Variants in ANKRD6 observed in about 807,000 individuals in gnomAD.
The protein encoded by ANKRD6 is ankyrin repeat domain 6.
A neutral mutation model predicts 82.3 loss-of-function variants in ANKRD6; 56 were observed. The ratio of observed to expected loss-of-function variants is 0.68; its 90% CI spans 0.55 to 0.85. The LOEUF (loss-of-function observed/expected upper bound fraction) is 0.85, where lower values mean the gene tolerates loss of function less well. ANKRD6 is among the 40% of genes least tolerant of loss of function. The pLI is 0.00. For missense variants in ANKRD6, 852 were observed against 907.6 expected, an observed-to-expected ratio of 0.94 and a Z score of 0.79; for synonymous variants, 347 against 352.1, an observed-to-expected ratio of 0.99 and a Z score of 0.16.
At chr6:89,613,550 C>T (rs1022877710) in intron 6 of ANKRD6, among the ~76,000 whole-genome samples, 10 of 152,272 alleles carry the variant, frequency 6.6e-5, no homozygotes, top group South Asian at 4.2e-4. Context: ...GTTTCATAAA[C>T]GTGGAAGCAG....
chr6:89,630,542 C>A lies in ANKRD6; in HGVS notation c.1722C>A (p.Leu574=), dbSNP rs777156730. 4.3e-6 allele frequency: 7 copies of A among 1,613,988 alleles called. No homozygotes were observed. Among genetic ancestry groups the A allele is most frequent in the Non-Finnish European group, 5.9e-6 (7 of 1,179,856 alleles). Residue 574 remains leucine (L), a synonymous_variant, in exon 16 of 16, where the codon CTC becomes CTA. Transcript: ENST00000339746. ...TCAACTCCACTGCTACCCAGAGACT[C>A]CAGCAGGAGCTGTCGTCTTCTGACT... ...KALNSTATQR[L]QQELSSSDCT...
At chr6:89,558,768 A>T (rs939972338) in intron 1 of ANKRD6, among the ~76,000 whole-genome samples, 1 of 143,448 alleles carries the variant, frequency 7.0e-6, no homozygotes, top group Admixed American at 6.9e-5. Flanking sequence ...ATTGTAACAA[A>T]TGTATCACAC....
intron 2 of ANKRD6, among the ~76,000 whole-genome samples, chr6:89,579,327 A>G (rs1791907735): frequency 6.6e-6 from 1 of 152,236 alleles, no homozygotes; most frequent in African/African-American, 2.4e-5. Context: ...AGTGTCAAAT[A>G]TAGTAGGCAC....
intron 1 of ANKRD6, among the ~76,000 whole-genome samples, chr6:89,469,819 C>T (rs1033884090): frequency 1.3e-5 from 2 of 152,186 alleles, no homozygotes; most frequent in Admixed American, 1.3e-4. Flanking sequence ...AACTGCATGG[C>T]CTACAGCCTG....
intron 2 of ANKRD6, among the ~76,000 whole-genome samples, chr6:89,589,288 G>T (rs1405994630): frequency 2.0e-5 from 3 of 152,128 alleles, no homozygotes; most frequent in Non-Finnish European, 2.9e-5. Context: ...AGTGACAGGG[G>T]CAGTTGACTG....
At chr6:89,553,028 C>T (rs149698308) in intron 1 of ANKRD6, among the ~76,000 whole-genome samples, 19 of 152,216 alleles carry the variant, frequency 1.2e-4, no homozygotes, top group South Asian at 4.1e-4. Context: ...ACATTATCAG[C>T]GGAAAATCAC....
chr6:89,463,835 G>A (rs1278955974), intron 1 of ANKRD6, among the ~76,000 whole-genome samples: 1 of 152,118 alleles, frequency 6.6e-6, no homozygotes, highest in East Asian at 1.9e-4. Context: ...ACAAGCATAA[G>A]CCACCACGCC....
chr6:89,575,021 C>T (rs1790789618), intron 2 of ANKRD6, among the ~76,000 whole-genome samples: 1 of 152,154 alleles, frequency 6.6e-6, no homozygotes, highest in African/African-American at 2.4e-5. Context: ...TATGATTGGA[C>T]AGAAAGGGCA....
chr6:89,625,881 C>T (rs1340655138), intron 13 of ANKRD6, among the ~76,000 whole-genome samples: 2 of 151,880 alleles, frequency 1.3e-5, no homozygotes, highest in Admixed American at 6.6e-5. Flanking sequence ...CTAAGGCGGA[C>T]GCCACCATGC....
intron 1 of ANKRD6, among the ~76,000 whole-genome samples, chr6:89,538,965 A>G (rs1181826313): frequency 6.6e-6 from 1 of 152,198 alleles, no homozygotes; most frequent in African/African-American, 2.4e-5. Flanking sequence ...TAATTTGATA[A>G]CTAGCGAACA....
At chr6:89,506,863 G>A (rs1183918824) in intron 1 of ANKRD6, among the ~76,000 whole-genome samples, 1 of 152,238 alleles carries the variant, frequency 6.6e-6, no homozygotes, top group Non-Finnish European at 1.5e-5. Context: ...GGAGGCAGTT[G>A]AGGTGAGATT....
chr6:89,600,752 G>A (rs1583625021), intron 3 of ANKRD6, among the ~76,000 whole-genome samples: 2 of 152,240 alleles, frequency 1.3e-5, no homozygotes, highest in East Asian at 3.9e-4. Context: ...GTTGAGACGT[G>A]GGGCCAGGCA....
At chr6:89,588,994 CA>C (rs34892881) in intron 2 of ANKRD6, among the ~76,000 whole-genome samples, 200 of 48,312 alleles carry the variant, frequency 4.1e-3, no homozygotes, top group East Asian at 0.015. Context: ...GACTCTGTCT[CA>C]AAAAAAAAAA....
intron 3 of ANKRD6, among the ~76,000 whole-genome samples, chr6:89,598,592 G>GA (rs1796398426): frequency 6.6e-6 from 1 of 152,104 alleles, no homozygotes; most frequent in African/African-American, 2.4e-5. Flanking sequence ...ATGTAGGAAA[G>GA]AAAAATAACA....
At chr6:89,592,637 T>G (rs1040921635) in intron 2 of ANKRD6, among the ~76,000 whole-genome samples, 3 of 152,166 alleles carry the variant, frequency 2.0e-5, no homozygotes, top group Non-Finnish European at 4.4e-5. Flanking sequence ...TCCTAGTCCA[T>G]TTGGCCTCTC....
At chr6:89,552,076 C>A (rs185218762) in intron 1 of ANKRD6, among the ~76,000 whole-genome samples, 5 of 152,334 alleles carry the variant, frequency 3.3e-5, no homozygotes, top group Admixed American at 3.3e-4. Flanking sequence ...ACCAAACTTG[C>A]TCATGGCTAA....
At chr6:89,628,766 A>C (rs1254204983) in intron 14 of ANKRD6, 1 of 270,986 alleles carries the variant, frequency 3.7e-6, no homozygotes, top group Admixed American at 5.1e-5. Context: ...CGAGACTTCC[A>C]TCTCAAAAAA....
intron 1 of ANKRD6, among the ~76,000 whole-genome samples, chr6:89,539,938 A>G (rs1198840196): frequency 6.6e-6 from 1 of 151,480 alleles, no homozygotes; most frequent in African/African-American, 2.4e-5. Context: ...TTTACTTAAC[A>G]TGATGATCTC....
intron 1 of ANKRD6, among the ~76,000 whole-genome samples, chr6:89,439,658 G>A (rs1771112693): frequency 6.6e-6 from 1 of 152,088 alleles, no homozygotes; most frequent in Non-Finnish European, 1.5e-5. Context: ...TAAGGAAAAG[G>A]CCCAAATAAT....
Sources: allele counts gnomAD v4.1 joint callset (sites outside exome capture counted in the v4.1 genomes callset), GRCh38; gene constraint gnomAD v4.1.1; transcripts MANE v1.5; gene names NCBI Gene and HGNC (gene_info 2026-07-23, HGNC 2026-07-21).